Variants in ATRN observed in about 807,000 individuals in gnomAD.
ATRN encodes the protein attractin-2.
Under a neutral mutation model 178.7 loss-of-function variants are expected in ATRN, and 54 were observed. That is an observed-to-expected ratio of 0.30 (90% CI 0.24 to 0.38). ATRN has a LOEUF of 0.38. ATRN is among the 10% of genes least tolerant of loss of function. The probability of loss-of-function intolerance (pLI) is 1.00; values close to 1 mark genes in which losing one functional copy is unlikely to be tolerated. For synonymous variants in ATRN, 636 were observed against 663.0 expected (o/e 0.96, Z 0.63); for missense variants, 1,443 against 1,815.1 (o/e 0.79, Z 3.73).
chr20:3,644,156 T>C lies in ATRN; in HGVS notation c.4053T>C (p.Thr1351=). The C allele has an allele frequency of 1.2e-6, 2 of 1,612,358 alleles. No individual in the cohort carries two copies. The highest frequency in any genetic ancestry group is 1.1e-5 in the South Asian group (1 of 91,046). ...PPDLIGGSIK[T]VPKPIALEPC... ...GTAATTTTGTTTTCTTCTGCCAGAC[T>C]GTTCCCAAACCCATTGCACTGGAGC... is the stretch of plus-strand genomic sequence containing the variant. Residue 1351 remains threonine (T), a splice_region_variant and synonymous_variant, in exon 28 of 29, where the codon ACT becomes ACC. Transcript: ENST00000262919.
At chr20:3,629,645 C>T (rs1036570041) in intron 25 of ATRN, among the ~76,000 whole-genome samples, 5 of 152,176 alleles carry the variant, frequency 3.3e-5, no homozygotes, top group African/African-American at 1.2e-4. Flanking sequence ...ACAAATGGGT[C>T]CCCAGGCTAC....
intron 2 of ATRN, among the ~76,000 whole-genome samples, chr20:3,537,643 T>C (rs1321809669): frequency 6.6e-6 from 1 of 151,128 alleles, no homozygotes; most frequent in Non-Finnish European, 1.5e-5. Flanking sequence ...GTATATCCCC[T>C]AATGCTATCC....
At chr20:3,543,175 T>C (rs1277832257) in intron 3 of ATRN, among the ~76,000 whole-genome samples, 1 of 152,212 alleles carries the variant, frequency 6.6e-6, no homozygotes, top group Non-Finnish European at 1.5e-5. Context: ...CATTTGTCTC[T>C]ACCTGGCATT....
At chr20:3,610,735 G>A (rs2086751453) in intron 24 of ATRN, among the ~76,000 whole-genome samples, 1 of 145,010 alleles carries the variant, frequency 6.9e-6, no homozygotes, top group South Asian at 2.2e-4. Flanking sequence ...ACCATGCCTG[G>A]CTAATTCTTT....
chr20:3,613,237 A>G (rs2086790978), intron 24 of ATRN, among the ~76,000 whole-genome samples: 1 of 152,148 alleles, frequency 6.6e-6, no homozygotes, highest in Admixed American at 6.5e-5. Context: ...AACGCAGGTA[A>G]GTTCTATTGC....
chr20:3,598,946 C>CAAATGT (rs2086568585), intron 22 of ATRN, among the ~76,000 whole-genome samples: 3 of 152,108 alleles, frequency 2.0e-5, no homozygotes, highest in African/African-American at 4.8e-5. Context: ...CAAATGTTAT[C>CAAATGT]TATAAACATT....
At chr20:3,563,697 T>A (rs1347672041) in intron 10 of ATRN, among the ~76,000 whole-genome samples, 5 of 152,210 alleles carry the variant, frequency 3.3e-5, no homozygotes, top group Non-Finnish European at 7.3e-5. Context: ...GGTTCACGTA[T>A]TAGCTTTATC....
In ATRN at chr20:3,471,455, C is replaced by G. The variant is rs1219198471; in HGVS notation, c.348C>G (p.Gly116=). 2.1e-6 allele frequency: 3 copies of G among 1,431,148 alleles called. No homozygotes were observed. The African/African-American group carries it at 4.5e-5, about 21-fold the overall frequency. The allele number at this position is 1,431,148 out of a possible 1,614,324, so 88.7% of individuals were successfully genotyped here. ...VNGGRCNPGT[G]QCVCPAGWVG... ...GCGGTCGCTGCAACCCTGGCACCGGCCAGTGCGTCTGCCCCGCCGGCTGGG... is the reference window on the plus strand; with the variant it reads ...GCGGTCGCTGCAACCCTGGCACCGGGCAGTGCGTCTGCCCCGCCGGCTGGG... Residue 116 remains glycine, a synonymous_variant, in exon 1 of 29, where the codon GGC becomes GGG. Coordinates refer to ENST00000262919, the MANE Select transcript of ATRN (RefSeq NM_139321.3).
chr20:3,634,705 A>G (rs1193964294), intron 26 of ATRN, among the ~76,000 whole-genome samples: 2 of 152,210 alleles, frequency 1.3e-5, no homozygotes, highest in East Asian at 3.9e-4. Context: ...CCAGAGATCC[A>G]AGGGCGTATT....
intron 1 of ATRN, among the ~76,000 whole-genome samples, chr20:3,494,440 G>T (rs1045551496): frequency 6.6e-6 from 1 of 152,158 alleles, no homozygotes; most frequent in African/African-American, 2.4e-5. Flanking sequence ...GCTCTGCAAA[G>T]AACTGTCCAG....
intron 3 of ATRN, among the ~76,000 whole-genome samples, chr20:3,542,154 G>T (rs1298723451): frequency 6.6e-6 from 1 of 152,186 alleles, no homozygotes; most frequent in African/African-American, 2.4e-5. Flanking sequence ...ATATGTTTAT[G>T]CCAGCATTTG....
intron 8 of ATRN, among the ~76,000 whole-genome samples, chr20:3,561,766 C>T (rs1313999303): frequency 1.3e-5 from 2 of 152,202 alleles, no homozygotes; most frequent in African/African-American, 4.8e-5. Flanking sequence ...CTTGTTCTCT[C>T]ACACAGGCTG....
In ATRN at chr20:3,601,005, C is replaced by G. The variant is rs150745104; in HGVS notation, c.3624C>G (p.Thr1208=). The change falls in exon 23 of 29, where the codon ACC becomes ACG. Residue 1208 remains threonine (T), a synonymous_variant. Transcript: ENST00000262919. ...CCAAGAATTTCAACCTCAACATCACCTGGGCTGCCAGTTTCTCAGGTAAAG... is the reference window on the plus strand; with the variant it reads ...CCAAGAATTTCAACCTCAACATCACGTGGGCTGCCAGTTTCTCAGGTAAAG... ...NASKNFNLNI[T]WAASFSAGTQ... 49 of 1,613,556 alleles carry G rather than the reference C, an allele frequency of 3.0e-5. No homozygotes were observed. The African/African-American group carries it at 4.9e-4, about 16-fold the overall frequency.
chr20:3,576,695 GTCTATCTATCTA>G (rs1555819445), intron 13 of ATRN, among the ~76,000 whole-genome samples, 152 bp from the exon 14 acceptor site: 12 of 142,286 alleles, frequency 8.4e-5, no homozygotes, highest in African/African-American at 1.8e-4. Context: ...CTGTCTGTCT[GTCTATCTATCTA>G]TCTATCTATC....
At chr20:3,571,712 C>G (rs982474862) in intron 11 of ATRN, among the ~76,000 whole-genome samples, 1 of 152,120 alleles carries the variant, frequency 6.6e-6, no homozygotes, top group Non-Finnish European at 1.5e-5. Flanking sequence ...AAGCCCCGCT[C>G]TATGTTAGGG....
chr20:3,620,165 C>T (rs926934672), intron 24 of ATRN, among the ~76,000 whole-genome samples: 10 of 150,496 alleles, frequency 6.6e-5, no homozygotes, highest in Admixed American at 2.0e-4. Flanking sequence ...TTTTTTTTTT[C>T]AATGCAGTTC....
chr20:3,524,408 C>A (rs535929413), intron 1 of ATRN, among the ~76,000 whole-genome samples: 1 of 152,130 alleles, frequency 6.6e-6, no homozygotes, highest in Non-Finnish European at 1.5e-5. Context: ...CACCCAGATT[C>A]GTAAAGCAAG....
rs1369663996 is a variant in ATRN, at chr20:3,649,416, GT to G, written c.*2574del. On this transcript the variant is annotated 3_prime_UTR_variant, in exon 29 of 29. Coordinates refer to ENST00000262919, the MANE Select transcript of ATRN (RefSeq NM_139321.3). ...ACAATGTCTGAGTTTCACCTAAGAT[GT>G]TTTTGTGCCATATGCTGGATATCCA... 6.6e-6 allele frequency: 1 copy of G among 152,496 alleles called. No homozygotes were observed. The highest frequency in any genetic ancestry group is 2.4e-5 in the African/African-American group (1 of 41,430). The allele number at this position is 152,496 out of a possible 1,614,324, so 9.4% of individuals were successfully genotyped here.
At chr20:3,597,857 T>A (rs1479829523) in intron 21 of ATRN, 49 bp from the exon 22 acceptor site, 1 of 1,193,268 alleles carries the variant, frequency 8.4e-7, no homozygotes, top group Non-Finnish European at 1.2e-6. Context: ...AGACCTGTTC[T>A]ATTTTGTGTG....
Sources: allele counts gnomAD v4.1 joint callset (sites outside exome capture counted in the v4.1 genomes callset), GRCh38; gene constraint gnomAD v4.1.1; transcripts MANE v1.5; gene names NCBI Gene and HGNC (gene_info 2026-07-23, HGNC 2026-07-21).